Variants in GLB1L2 observed in about 807,000 individuals in gnomAD.
GLB1L2 encodes beta-galactosidase-1-like protein 2.
A neutral mutation model predicts 84.1 loss-of-function variants in GLB1L2; 68 were observed. The ratio of observed to expected loss-of-function variants is 0.81; its 90% CI spans 0.67 to 0.99. GLB1L2 has a LOEUF of 0.99. GLB1L2 is among the 50% of genes least tolerant of loss of function. The pLI, the probability that GLB1L2 is intolerant of heterozygous loss-of-function variation, is 0.00. For synonymous variants in GLB1L2, 290 were observed against 318.0 expected (o/e 0.91, Z 0.94); for missense variants, 762 against 805.6 (o/e 0.95, Z 0.66).
rs557909613 is a variant in GLB1L2 at position 134,351,052 on chromosome 11, C to T, written c.558+3619C>T. On this transcript the variant is annotated intron_variant, in intron 5 of 18. Transcript: ENST00000535456. Reference sequence around the variant, plus strand: ...TTGACTAATTGCTCTGGCAGGACTTCCAGTACCGTGTTGAATAGAAGTGCT... The same window carrying T: ...TTGACTAATTGCTCTGGCAGGACTTTCAGTACCGTGTTGAATAGAAGTGCT... Among the ~76,000 whole-genome samples the T allele has an allele frequency of 1.4e-4, 22 of 152,300 alleles. No individual in the cohort carries two copies. The South Asian group carries it at 4.1e-3, about 29-fold the overall frequency.
chr11:134,357,019 T>G (rs902200458), intron 6 of GLB1L2, among the ~76,000 whole-genome samples: 1 of 152,250 alleles, frequency 6.6e-6, no homozygotes, highest in Non-Finnish European at 1.5e-5. Context: ...GTATTTACCT[T>G]TCCAAATTGT....
At chr11:134,363,962 C>T (rs1184609607) in intron 7 of GLB1L2, among the ~76,000 whole-genome samples, 1 of 152,218 alleles carries the variant, frequency 6.6e-6, no homozygotes, top group Non-Finnish European at 1.5e-5. Context: ...ACTGCAACTT[C>T]TGCCTCTTGG....
rs189226868 is a variant in GLB1L2 at position 134,371,726 on chromosome 11, C to T, written c.1429-26C>T. ...GGGGCAGCTGTGGCCTTCTGACAGT[C>T]ATCGTTAGCCCCGTGTTCCCGGCAG... On this transcript the variant is annotated intron_variant, in intron 14 of 18. Transcript: ENST00000535456. 16 of 1,611,814 alleles carry T rather than the reference C, an allele frequency of 9.9e-6. No individual in the cohort carries two copies. The East Asian group carries it at 3.6e-4, about 36-fold the overall frequency.
Position 134,370,101 on chromosome 11 carries a change from G to A in GLB1L2, c.1109-192G>A, listed in dbSNP as rs1458386606. Among the ~76,000 whole-genome samples, 3 of 152,126 alleles carry A rather than the reference G, an allele frequency of 2.0e-5. No individual in the cohort carries two copies. Among genetic ancestry groups the A allele is most frequent in the African/African-American group, 7.2e-5 (3 of 41,430 alleles). On this transcript the variant is annotated intron_variant, in intron 11 of 18. Transcript: ENST00000535456. This position sits in a 1 kb window ranked among gnomAD's most constrained non-coding sequence, Gnocchi z 4.7. ...GCTCCTTATCTCCTGTGGAGGACGG[G>A]AGAACGCCCTGGCTTTCCCCCAGGC... is the stretch of plus-strand genomic sequence containing the variant.
intron 16 of GLB1L2, 76 bp from the exon 17 acceptor site, chr11:134,374,069 G>T (rs950366857): frequency 3.7e-6 from 4 of 1,081,578 alleles, no homozygotes; most frequent in African/African-American, 3.1e-5. Context: ...CGGTGTCAGG[G>T]CCTTTTATTT....
At chr11:134,361,835 G>T (rs966641071) in intron 7 of GLB1L2, among the ~76,000 whole-genome samples, 1 of 152,120 alleles carries the variant, frequency 6.6e-6, no homozygotes, top group South Asian at 2.1e-4. Flanking sequence ...TTGGTGCTCC[G>T]TGGCTTCCCG....
At chr11:134,371,236 T>G (rs1943948290) in intron 13 of GLB1L2, 88 bp downstream of exon 13, 1 of 1,514,110 alleles carries the variant, frequency 6.6e-7, no homozygotes, top group Non-Finnish European at 9.1e-7. Flanking sequence ...AATCAGCTCT[T>G]ACCAGTGTGT....
At chr11:134,358,331 C>T (rs945042002) in intron 6 of GLB1L2, among the ~76,000 whole-genome samples, 6 of 152,260 alleles carry the variant, frequency 3.9e-5, no homozygotes, top group African/African-American at 7.2e-5. Flanking sequence ...GCCTCCGAGG[C>T]GCGTCTCTAC....
intron 9 of GLB1L2, 84 bp from the exon 10 acceptor site, chr11:134,368,560 G>T: frequency 6.9e-7 from 1 of 1,459,846 alleles, no homozygotes; most frequent in South Asian, 1.2e-5. Context: ...GGTGGGACTG[G>T]GAAAGAGGAG....
At chr11:134,365,206 C>G (rs545072125) in intron 8 of GLB1L2, 1 of 152,272 alleles carries the variant, frequency 6.6e-6, no homozygotes, top group Non-Finnish European at 1.5e-5. Flanking sequence ...CCACCACAGC[C>G]GTGTGGGGCC....
rs779299732 is a variant in GLB1L2, at chr11:134,356,082, T to A, written c.559-219T>A. The A allele has an allele frequency of 1.8e-5, 12 of 664,824 alleles. No homozygotes were observed. The East Asian group carries it at 3.6e-4, about 20-fold the overall frequency. The allele number at this position is 664,824 out of a possible 1,614,324, so 41.2% of individuals were successfully genotyped here. ...TAGACACTTAAATGGTTTCCAGAGC[T>A]CCTATTAAGTTATTTTAGTCAGTCT... is the stretch of plus-strand genomic sequence containing the variant. On this transcript the variant is annotated intron_variant, in intron 5 of 18. Transcript: ENST00000535456.
In GLB1L2 at chr11:134,356,386, T is replaced by A. The variant is rs780730953; in HGVS notation, c.644T>A (p.Val215Asp). The change falls in exon 6 of 19, where the codon GTC (valine) becomes GAC (aspartate). Residue 215 changes from valine to aspartate, a missense_variant. Coordinates refer to ENST00000535456, the MANE Select transcript of GLB1L2 (RefSeq NM_001370461.1). Reference sequence around the variant, plus strand: ...AAAGACCCCGCATACATGCCCTACGTCAAGAAGGTAAGAATCCTCTTAGTG... The same window carrying A: ...AAAGACCCCGCATACATGCCCTACGACAAGAAGGTAAGAATCCTCTTAGTG... ...YNKDPAYMPY[V>D]KKALEDRGIV... 1 of 1,610,830 alleles carries A rather than the reference T, an allele frequency of 6.2e-7. No individual in the cohort carries two copies. Among genetic ancestry groups the A allele is most frequent in the Admixed American group, 1.7e-5 (1 of 60,018 alleles).
Position 134,374,135 on chromosome 11 carries a change from C to A in GLB1L2, c.1596-10C>A, listed in dbSNP as rs1263072815. On this transcript the variant is annotated splice_polypyrimidine_tract_variant and intron_variant, in intron 16 of 18. Transcript: ENST00000535456. ...CCTCCTCCCTCTCCTTCTCTGTGTT[C>A]TGTCCTTAGGTTCGGCCTGGACAAA... is the stretch of plus-strand genomic sequence containing the variant. 5.0e-6 allele frequency: 8 copies of A among 1,593,506 alleles called. No individual in the cohort carries two copies. In the African/African-American group the frequency reaches 6.7e-5, roughly 13 times the overall value.
chr11:134,352,611 T>C (rs1943647968), intron 5 of GLB1L2, among the ~76,000 whole-genome samples: 1 of 152,044 alleles, frequency 6.6e-6, no homozygotes, highest in Admixed American at 6.6e-5. Flanking sequence ...CTGTAATTCA[T>C]AATTTTATTT....
intron 4 of GLB1L2, among the ~76,000 whole-genome samples, chr11:134,345,975 C>T (rs1943547857): frequency 6.6e-6 from 1 of 152,128 alleles, no homozygotes; most frequent in African/African-American, 2.4e-5. Context: ...GGACTTCATT[C>T]ATTCCTCATC....
intron 5 of GLB1L2, among the ~76,000 whole-genome samples, chr11:134,350,583 T>C (rs1227215011): frequency 6.6e-6 from 1 of 152,210 alleles, no homozygotes; most frequent in African/African-American, 2.4e-5. Flanking sequence ...TAAAACCAGG[T>C]ACTGTGACGG....
chr11:134,372,234 C>T (rs148209758), intron 15 of GLB1L2, among the ~76,000 whole-genome samples: 1,754 of 152,280 alleles, frequency 0.012, 17 homozygotes, highest in Non-Finnish European at 0.019. Flanking sequence ...CTTCTTGATC[C>T]ATCTTGGGAA....
intron 1 of GLB1L2, among the ~76,000 whole-genome samples, chr11:134,337,498 C>G (rs1943403895): frequency 6.6e-6 from 1 of 152,188 alleles, no homozygotes; most frequent in Non-Finnish European, 1.5e-5. Context: ...CCATCTGGGC[C>G]AAAGAGTGAA....
rs750442136 is a variant in GLB1L2 at position 134,374,634 on chromosome 11, C to T, written c.1740C>T (p.Gly580=). 1 of 1,614,042 alleles carries T rather than the reference C, an allele frequency of 6.2e-7. No individual in the cohort carries two copies. The highest frequency in any genetic ancestry group is 8.5e-7 in the Non-Finnish European group (1 of 1,179,958). Residue 580 remains glycine (G), a synonymous_variant, in exon 18 of 19, where the codon GGC becomes GGT. Coordinates refer to ENST00000535456, the MANE Select transcript of GLB1L2 (RefSeq NM_001370461.1). ...AGAAGGGGGTTGTATTCATCAATGG[C>T]CAGAACCTTGGACGTTACTGGAACA... is the stretch of plus-strand genomic sequence containing the variant. ...GWEKGVVFIN[G]QNLGRYWNIG...
Sources: gnomAD v4.1 joint callset for allele counts (sites outside exome capture counted in the v4.1 genomes callset) on GRCh38, gnomAD v4.1.1 for gene constraint, Gnocchi (gnomAD v3.1) non-coding constraint, MANE v1.5 for transcripts, NCBI Gene and HGNC (gene_info 2026-07-23, HGNC 2026-07-21) for gene names.